PRDM5: variants seen among roughly 807,000 people sequenced by gnomAD.
PRDM5 encodes PR/SET domain 5, also known as PR domain zinc finger protein 5.
PRDM5 carries 56 observed loss-of-function variants against 81.2 expected under a neutral mutation model. The observed-to-expected ratio is 0.69, with a 90% CI of 0.56 to 0.86. PRDM5 has a LOEUF of 0.86. Ranked by LOEUF, PRDM5 falls within the 40% of genes least tolerant of loss-of-function variation. The probability of loss-of-function intolerance (pLI) is 0.00; values close to 1 mark genes in which losing one functional copy is unlikely to be tolerated. For synonymous variants in PRDM5, 267 were observed against 256.4 expected (o/e 1.04, Z -0.39); for missense variants, 697 against 770.1 (o/e 0.91, Z 1.12).
chr4:120,824,030 G>A (rs1417631801), intron 3 of PRDM5, among the ~76,000 whole-genome samples: 1 of 152,162 alleles, frequency 6.6e-6, no homozygotes, highest in Non-Finnish European at 1.5e-5. Flanking sequence ...CTTCCACCAT[G>A]AGTAGAAGGA....
chr4:120,848,639 T>G (rs1002847262), intron 3 of PRDM5, among the ~76,000 whole-genome samples: 1 of 152,202 alleles, frequency 6.6e-6, no homozygotes, highest in Non-Finnish European at 1.5e-5. Context: ...ATCATCATCA[T>G]TTTAAGGATT....
At chr4:120,830,267 G>A (rs953133147) in intron 3 of PRDM5, among the ~76,000 whole-genome samples, 3 of 152,036 alleles carry the variant, frequency 2.0e-5, no homozygotes, top group Non-Finnish European at 2.9e-5. Flanking sequence ...GAGTTTGGCC[G>A]GGTGACTTGC....
chr4:120,799,827 T>C, intron 8 of PRDM5, 82 bp from the exon 9 acceptor site: 1 of 1,553,950 alleles, frequency 6.4e-7, no homozygotes, highest in South Asian at 1.2e-5. Context: ...TGTAAACATG[T>C]GAACAGCTGC....
At chr4:120,821,923 C>G (rs1217352329) in intron 3 of PRDM5, among the ~76,000 whole-genome samples, 2 of 146,008 alleles carry the variant, frequency 1.4e-5, no homozygotes, top group African/African-American at 5.1e-5. Context: ...CTAAATCCCA[C>G]AGAAATGACA....
downstream of PRDM5, among the ~76,000 whole-genome samples, chr4:120,691,236 A>G (rs1734036648): frequency 6.6e-6 from 1 of 152,142 alleles, no homozygotes; most frequent in Non-Finnish European, 1.5e-5. Flanking sequence ...GAATATTTTA[A>G]CATGCCCACA....
At chr4:120,812,275 T>G (rs1289481010) in intron 7 of PRDM5, among the ~76,000 whole-genome samples, 1 of 152,164 alleles carries the variant, frequency 6.6e-6, no homozygotes, top group Non-Finnish European at 1.5e-5. Flanking sequence ...TTCAATATAC[T>G]GATTTCCTTT....
intron 1 of PRDM5, among the ~76,000 whole-genome samples, chr4:120,921,381 AAAAT>A (rs1241109039): frequency 9.9e-5 from 15 of 152,256 alleles, no homozygotes; most frequent in Non-Finnish European, 2.2e-4. Flanking sequence ...CCCACTTGAA[AAAAT>A]AAATAAGTGG....
In PRDM5 at chr4:120,761,746, T is replaced by C. The variant is rs75202474; in HGVS notation, c.1538-7108A>G. On this transcript the variant is annotated intron_variant, in intron 13 of 15. Transcript: ENST00000264808. Reference sequence around the variant, plus strand: ...AATTAATAAAGAAAAACCTTGCAAATCACTTTAATCTTGATAATCTTAAAT... The same window carrying C: ...AATTAATAAAGAAAAACCTTGCAAACCACTTTAATCTTGATAATCTTAAAT... Among the ~76,000 whole-genome samples the C allele has an allele frequency of 1.9e-3, 291 of 152,252 alleles. 1 individual carries two copies. Among genetic ancestry groups the C allele is most frequent in the African/African-American group, 6.5e-3 (270 of 41,556 alleles).
intron 2 of PRDM5, among the ~76,000 whole-genome samples, chr4:120,881,740 T>C (rs370838989): frequency 9.2e-5 from 14 of 152,348 alleles, no homozygotes; most frequent in African/African-American, 3.1e-4. Context: ...TCATGTAATA[T>C]GACTCACCTA....
chr4:120,736,047 G>T (rs954734361), intron 14 of PRDM5, among the ~76,000 whole-genome samples: 116 of 65,104 alleles, frequency 1.8e-3, no homozygotes, highest in Non-Finnish European at 2.7e-3. Flanking sequence ...CATTCTGTAT[G>T]TCCATTTTTT....
chr4:120,859,501 A>G (rs183611048), intron 2 of PRDM5, among the ~76,000 whole-genome samples: 29 of 152,308 alleles, frequency 1.9e-4, no homozygotes, highest in African/African-American at 6.0e-4. Context: ...CTGGGATTAC[A>G]GGCATGAGTG....
At chr4:120,846,301 T>A (rs947838046) in intron 3 of PRDM5, among the ~76,000 whole-genome samples, 1 of 152,158 alleles carries the variant, frequency 6.6e-6, no homozygotes, top group South Asian at 2.1e-4. Flanking sequence ...AAACCTTTTG[T>A]GAAAGGAAAA....
At chr4:120,833,501 T>G (rs1327913046) in intron 3 of PRDM5, among the ~76,000 whole-genome samples, 2 of 152,152 alleles carry the variant, frequency 1.3e-5, no homozygotes, top group African/African-American at 4.8e-5. Flanking sequence ...GTGAAAGTTC[T>G]TGACCTAATT....
At chr4:120,847,996 A>T (rs1758850287) in intron 3 of PRDM5, among the ~76,000 whole-genome samples, 3 of 152,188 alleles carry the variant, frequency 2.0e-5, no homozygotes, top group Admixed American at 1.3e-4. Context: ...CTGAAATTTT[A>T]CTACAGTGTA....
chr4:120,770,900 C>A (rs1014643197), intron 13 of PRDM5, among the ~76,000 whole-genome samples: 1 of 146,964 alleles, frequency 6.8e-6, no homozygotes, highest in Non-Finnish European at 1.5e-5. Flanking sequence ...AAAATTAAAA[C>A]CAAACATATT....
chr4:120,730,482 A>T (rs1740090839), intron 14 of PRDM5, among the ~76,000 whole-genome samples: 2 of 152,220 alleles, frequency 1.3e-5, no homozygotes, highest in African/African-American at 4.8e-5. Context: ...CTTCATACAG[A>T]TAAGTCTTTA....
chr4:120,839,559 G>T (rs765468548), intron 3 of PRDM5, among the ~76,000 whole-genome samples: 2 of 152,132 alleles, frequency 1.3e-5, no homozygotes, highest in African/African-American at 4.8e-5. Flanking sequence ...TACAGGCCTC[G>T]GAGGGGAGGA....
intron 2 of PRDM5, among the ~76,000 whole-genome samples, chr4:120,857,784 T>C (rs571560402): frequency 5.3e-5 from 8 of 152,190 alleles, no homozygotes; most frequent in Non-Finnish European, 1.0e-4. Flanking sequence ...AACTTAAATA[T>C]TTTATTTGTT....
chr4:120,856,956 C>T (rs564509553), intron 2 of PRDM5, among the ~76,000 whole-genome samples: 26 of 152,220 alleles, frequency 1.7e-4, no homozygotes, highest in African/African-American at 5.8e-4. Context: ...ATACCTGGGG[C>T]CAATGATGAA....
Sources: allele counts gnomAD v4.1 joint callset (sites outside exome capture counted in the v4.1 genomes callset), GRCh38; gene constraint gnomAD v4.1.1; transcripts MANE v1.5; gene names NCBI Gene and HGNC (gene_info 2026-07-23, HGNC 2026-07-21).